The following APLP2 variants were observed in gnomAD, a reference collection of about 807,000 sequenced individuals.
APLP2 encodes the protein amyloid beta precursor like protein 2, also known as CDEI box-binding protein.
A neutral mutation model predicts 89.9 loss-of-function variants in APLP2; 53 were observed. The observed-to-expected ratio is 0.59, with a 90% CI of 0.47 to 0.74. The LOEUF is 0.74. Ranked by LOEUF, APLP2 falls within the 30% of genes least tolerant of loss-of-function variation. The pLI is 0.00. For missense variants in APLP2, 973 were observed against 975.9 expected (o/e 1.00, Z 0.04); for synonymous variants, 372 against 348.6 (o/e 1.07, Z -0.75).
chr11:130,109,585 C>G lies in APLP2; in HGVS notation c.262C>G (p.Leu88Val). Residue 88 changes from leucine to valine, a missense_variant, in exon 2 of 17, where the codon CTT becomes GTT. Coordinates refer to ENST00000338167, the MANE Select transcript of APLP2 (RefSeq NM_001142276.2). The stretch of plus-strand genomic sequence containing the variant: ...CTGCTTTGAAACAAAAGAAGAAGTT[C>G]TTCAGTACTGTCAGGAGGTAAGAGT... ...KSCFETKEEVLQYCQEMYPEL... is the reference protein window; with the variant it reads ...KSCFETKEEVVQYCQEMYPEL... 6.2e-7 allele frequency: 1 copy of G among 1,612,954 alleles called. No homozygotes were observed. Among genetic ancestry groups the G allele is most frequent in the Non-Finnish European group, 8.5e-7 (1 of 1,179,466 alleles).
chr11:130,072,207 G>C (rs1222808528), intron 1 of APLP2, among the ~76,000 whole-genome samples: 3 of 152,192 alleles, frequency 2.0e-5, no homozygotes, highest in African/African-American at 7.2e-5. Flanking sequence ...TCCCATTTGG[G>C]ACTGAGACAG....
intron 3 of APLP2, among the ~76,000 whole-genome samples, chr11:130,112,547 CT>C (rs1189325275): frequency 1.4e-5 from 2 of 143,092 alleles, no homozygotes; most frequent in Non-Finnish European, 3.1e-5. Context: ...CCTAGGAATC[CT>C]GTGAAAAAGT....
At chr11:130,103,606 C>T (rs187925603) in intron 1 of APLP2, among the ~76,000 whole-genome samples, 31 of 152,228 alleles carry the variant, frequency 2.0e-4, no homozygotes, top group African/African-American at 6.7e-4. Flanking sequence ...GGAACTCTTG[C>T]GGTCTTTTAG....
At chr11:130,096,739 C>T (rs1026668835) in intron 1 of APLP2, among the ~76,000 whole-genome samples, 38 of 152,150 alleles carry the variant, frequency 2.5e-4, no homozygotes, top group African/African-American at 8.0e-4. Context: ...AAAAAAGGTG[C>T]TGTTGTATTT....
chr11:130,070,424 GGA>G, intron 1 of APLP2: 1 of 629,518 alleles, frequency 1.6e-6, no homozygotes, highest in Non-Finnish European at 2.1e-6. Flanking sequence ...CCCTCCCCCG[GGA>G]CAATGCCAGG....
At chr11:130,130,754 C>T (rs1043461393) in intron 11 of APLP2, among the ~76,000 whole-genome samples, 8 of 152,196 alleles carry the variant, frequency 5.3e-5, no homozygotes, top group African/African-American at 1.2e-4. Flanking sequence ...ATAGTAACAA[C>T]GCTGATCTTA....
chr11:130,136,529 A>G (rs1951631908), intron 13 of APLP2, among the ~76,000 whole-genome samples: 2 of 152,152 alleles, frequency 1.3e-5, no homozygotes. Flanking sequence ...GTCGAATCCA[A>G]GCTGATCTGG....
At chr11:130,128,662 A>C (rs182580552) in intron 9 of APLP2, among the ~76,000 whole-genome samples, 1 of 152,212 alleles carries the variant, frequency 6.6e-6, no homozygotes, top group African/African-American at 2.4e-5. Context: ...AACTTACCAC[A>C]TAACTCCCAT....
intron 1 of APLP2, chr11:130,100,187 C>G (rs900254641): frequency 2.0e-5 from 3 of 152,228 alleles, no homozygotes; most frequent in African/African-American, 7.2e-5. Context: ...AGAGTTGGCA[C>G]AGCCAGTCAG....
chr11:130,114,145 G>C (rs1948913895), intron 3 of APLP2: 2 of 151,992 alleles, frequency 1.3e-5, no homozygotes, highest in Admixed American at 6.5e-5. Context: ...CCCTACTCAG[G>C]TTTCACCTGT....
chr11:130,127,377 C>T (rs540218618), intron 8 of APLP2, among the ~76,000 whole-genome samples: 17 of 152,288 alleles, frequency 1.1e-4, no homozygotes, highest in African/African-American at 4.1e-4. Context: ...AAAGGGAATG[C>T]CTTGCTAGGC....
chr11:130,116,804 T>C (rs537853107), intron 3 of APLP2, among the ~76,000 whole-genome samples: 177 of 152,224 alleles, frequency 1.2e-3, no homozygotes, highest in African/African-American at 4.1e-3. Context: ...ACTGGAATTG[T>C]TGAATCAAAG....
At position 130,069,970 on chromosome 11, in the gene APLP2, G is replaced by A; in HGVS notation, c.-8G>A. On this transcript the variant is annotated 5_prime_UTR_variant, in exon 1 of 17. Transcript: ENST00000338167. ...TGAGAGCCGCGCGCTAGAGCGACCCGGCGAGGGATGGCGGCCACCGGGACC... is the reference window on the plus strand; with the variant it reads ...TGAGAGCCGCGCGCTAGAGCGACCCAGCGAGGGATGGCGGCCACCGGGACC... The A allele has an allele frequency of 2.0e-6, 3 of 1,502,888 alleles. No homozygotes were observed. The highest frequency in any genetic ancestry group is 1.4e-5 in the African/African-American group (1 of 69,968). The allele number at this position is 1,502,888 out of a possible 1,614,324, so 93.1% of individuals were successfully genotyped here.
chr11:130,083,177 A>C (rs1943532611), intron 1 of APLP2, among the ~76,000 whole-genome samples: 1 of 151,602 alleles, frequency 6.6e-6, no homozygotes, highest in South Asian at 2.1e-4. Flanking sequence ...CTGGGATCAC[A>C]GGCGTTGAGC....
Position 130,136,247 on chromosome 11 carries a change from C to A in APLP2, c.1837+532C>A, listed in dbSNP as rs370543695. ...GCTGTGAGTCTGCTCCAGAAATAAA[C>A]AAGTTGCTGAGACCAGTGCCCTGAG... is the stretch of plus-strand genomic sequence containing the variant. On this transcript the variant is annotated intron_variant, in intron 13 of 16. Coordinates refer to ENST00000338167, the MANE Select transcript of APLP2 (RefSeq NM_001142276.2). 2.0e-5 allele frequency among the ~76,000 whole-genome samples: 3 copies of A among 152,268 alleles called. No individual in the cohort carries two copies. In the East Asian group the frequency reaches 5.8e-4, roughly 29 times the overall value.
At chr11:130,142,098 C>T (rs770085430) in intron 16 of APLP2, 24 bp downstream of exon 16, 4 of 1,603,154 alleles carry the variant, frequency 2.5e-6, no homozygotes, top group Non-Finnish European at 3.4e-6. Flanking sequence ...CTGCTGAGGG[C>T]CTGCTCTGCA....
intron 3 of APLP2, among the ~76,000 whole-genome samples, chr11:130,113,998 C>T (rs1355014350): frequency 6.6e-6 from 1 of 152,126 alleles, no homozygotes; most frequent in African/African-American, 2.4e-5. Flanking sequence ...ATAAGGCAAA[C>T]ATGGTATCCT....
At chr11:130,099,651 A>AT (rs1363479797) in intron 1 of APLP2, among the ~76,000 whole-genome samples, 1 of 152,242 alleles carries the variant, frequency 6.6e-6, no homozygotes, top group East Asian at 1.9e-4. Context: ...CCCACAAAAT[A>AT]TGAAGCATTA....
At chr11:130,078,981 T>A (rs1942632332) in intron 1 of APLP2, among the ~76,000 whole-genome samples, 1 of 152,178 alleles carries the variant, frequency 6.6e-6, no homozygotes, top group Non-Finnish European at 1.5e-5. Context: ...AACAGCTTCT[T>A]GTTAGAATTT....
Sources: gnomAD v4.1 joint callset for allele counts (sites outside exome capture counted in the v4.1 genomes callset) on GRCh38, gnomAD v4.1.1 for gene constraint, MANE v1.5 for transcripts, NCBI Gene and HGNC (gene_info 2026-07-23, HGNC 2026-07-21) for gene names.